RGS7: variants seen among roughly 807,000 people sequenced by gnomAD.
The protein encoded by RGS7 is regulator of G-protein signaling 7.
RGS7 carries 27 observed loss-of-function variants against 81.1 expected under a neutral mutation model. The ratio of observed to expected loss-of-function variants is 0.33; its 90% CI spans 0.25 to 0.46. The LOEUF (loss-of-function observed/expected upper bound fraction) is 0.46, where lower values mean the gene tolerates loss of function less well. Ranked by LOEUF, RGS7 falls within the 20% of genes least tolerant of loss-of-function variation. RGS7 has a pLI of 1.00. For synonymous variants in RGS7, 208 were observed against 207.7 expected, an observed-to-expected ratio of 1.00 and a Z score of -0.01; for missense variants, 396 against 607.4, an observed-to-expected ratio of 0.65 and a Z score of 3.66.
intron 2 of RGS7, among the ~76,000 whole-genome samples, chr1:241,252,025 T>C (rs1394666804): frequency 6.6e-6 from 1 of 151,620 alleles, no homozygotes; most frequent in Non-Finnish European, 1.5e-5. Context: ...AGGCCAGCTT[T>C]TGGCTTTTTC....
At chr1:241,111,261 T>A (rs568959099) in intron 2 of RGS7, among the ~76,000 whole-genome samples, 1 of 152,198 alleles carries the variant, frequency 6.6e-6, no homozygotes, top group Non-Finnish European at 1.5e-5. Context: ...TTCCTATTAT[T>A]TAATTCTTGC....
At chr1:240,887,269 C>T (rs1346189810) in intron 6 of RGS7, among the ~76,000 whole-genome samples, 37 of 115,436 alleles carry the variant, frequency 3.2e-4, no homozygotes, top group Non-Finnish European at 5.6e-4. Context: ...TGCTCTTTTG[C>T]CCAGGCCGGA....
intron 2 of RGS7, among the ~76,000 whole-genome samples, chr1:241,103,666 G>C (rs926281605): frequency 2.0e-5 from 3 of 152,058 alleles, no homozygotes; most frequent in African/African-American, 7.2e-5. Context: ...GAGCTCAGGA[G>C]TTTGAGACCA....
chr1:241,229,392 G>A (rs1010536731), intron 2 of RGS7, among the ~76,000 whole-genome samples: 2 of 152,088 alleles, frequency 1.3e-5, no homozygotes, highest in Non-Finnish European at 2.9e-5. Context: ...TGAATTCTTG[G>A]CAGCCACAAG....
chr1:241,116,441 G>A (rs1649194666), intron 2 of RGS7, among the ~76,000 whole-genome samples: 2 of 152,074 alleles, frequency 1.3e-5, no homozygotes, highest in Non-Finnish European at 1.5e-5. Context: ...GCATAAAGTG[G>A]TTGCTCTCTC....
rs185774088 is a variant in RGS7 at position 240,897,541 on chromosome 1, A to T, written c.386-27422T>A. On this transcript the variant is annotated intron_variant, in intron 6 of 18. Coordinates refer to ENST00000440928, the MANE Select transcript of RGS7 (RefSeq NM_001364886.1). ...CTTTTCTGCATCTATTGAGATAATCATGTGGTTTTTGTCTTTGTTTCTGTT... is the reference window on the plus strand; with the variant it reads ...CTTTTCTGCATCTATTGAGATAATCTTGTGGTTTTTGTCTTTGTTTCTGTT... Among the ~76,000 whole-genome samples the T allele has an allele frequency of 4.5e-3, 593 of 132,060 alleles. 2 individuals are homozygous for T. Among genetic ancestry groups the T allele is most frequent in the African/African-American group, 0.015 (570 of 38,092 alleles). The allele number at this position is 132,060 out of a possible 152,430, so 86.6% of individuals were successfully genotyped here.
chr1:241,207,101 T>G (rs1165101658), intron 2 of RGS7, among the ~76,000 whole-genome samples: 2 of 150,848 alleles, frequency 1.3e-5, no homozygotes, highest in Non-Finnish European at 1.5e-5. Context: ...CCCGAGTAGC[T>G]GGGACTACAG....
intron 3 of RGS7, among the ~76,000 whole-genome samples, chr1:241,047,005 A>G (rs1178531115): frequency 6.6e-6 from 1 of 152,070 alleles, no homozygotes. Context: ...ACAGCAGCAA[A>G]TTTTGTGAGC....
intron 2 of RGS7, among the ~76,000 whole-genome samples, chr1:241,314,386 A>G (rs2080739548): frequency 6.6e-6 from 1 of 152,268 alleles, no homozygotes. Flanking sequence ...CTGAAGGCAC[A>G]GACAATTGTG....
At chr1:241,339,836 G>A (rs1020701232) in intron 2 of RGS7, among the ~76,000 whole-genome samples, 1 of 152,126 alleles carries the variant, frequency 6.6e-6, no homozygotes, top group East Asian at 1.9e-4. Context: ...AGGAGCCTGG[G>A]AGCTATAATC....
intron 3 of RGS7, chr1:240,998,894 T>G: frequency 2.5e-6 from 1 of 399,046 alleles, no homozygotes. Context: ...TTAGTCCCCT[T>G]ATCTTTTTCC....
intron 6 of RGS7, 139 bp downstream of exon 6, chr1:240,930,578 C>A: frequency 1.2e-6 from 1 of 837,500 alleles, no homozygotes; most frequent in Non-Finnish European, 2.0e-6. Flanking sequence ...AGCCGCTTAT[C>A]AATTCAATGT....
intron 2 of RGS7, among the ~76,000 whole-genome samples, chr1:241,276,237 G>A (rs1157934123): frequency 6.6e-6 from 1 of 152,144 alleles, no homozygotes; most frequent in Admixed American, 6.5e-5. Flanking sequence ...AGAGCTCAGA[G>A]GAACCTTGGG....
At chr1:240,899,235 T>C (rs1204765177) in intron 6 of RGS7, among the ~76,000 whole-genome samples, 1 of 152,208 alleles carries the variant, frequency 6.6e-6, no homozygotes, top group Non-Finnish European at 1.5e-5. Flanking sequence ...TGACTCTTTA[T>C]CCAATTTGCC....
At chr1:241,354,127 T>C (rs1019706799) in intron 2 of RGS7, among the ~76,000 whole-genome samples, 1 of 152,150 alleles carries the variant, frequency 6.6e-6, no homozygotes, top group Non-Finnish European at 1.5e-5. Flanking sequence ...CTTCACATTG[T>C]ATACACCCAT....
intron 6 of RGS7, among the ~76,000 whole-genome samples, chr1:240,886,688 A>G (rs1667387029): frequency 6.6e-6 from 1 of 152,214 alleles, no homozygotes; most frequent in Non-Finnish European, 1.5e-5. Context: ...CGAGACTGAG[A>G]GTCCCAAACT....
intron 6 of RGS7, among the ~76,000 whole-genome samples, chr1:240,916,009 T>A (rs1171244585): frequency 1.3e-5 from 2 of 149,012 alleles, no homozygotes; most frequent in Admixed American, 6.8e-5. Flanking sequence ...CATGCTGTAA[T>A]CCCAGCACTT....
intron 18 of RGS7, among the ~76,000 whole-genome samples, chr1:240,793,611 A>ATATATATATATATATTTTTTTTTTTTTT: frequency 1.3e-5 from 1 of 78,814 alleles, no homozygotes; most frequent in African/African-American, 9.7e-5. Context: ...ATATATATAT[A>ATATATATATATATATTTTTTTTTTTTTT]TTTTTTTTTT....
chr1:241,018,623 G>A (rs954386907), intron 3 of RGS7, among the ~76,000 whole-genome samples: 2 of 152,004 alleles, frequency 1.3e-5, no homozygotes, highest in Non-Finnish European at 2.9e-5. Context: ...TATACTGGAG[G>A]CTTATTGGTG....
Sources: gnomAD v4.1 joint callset for allele counts (sites outside exome capture counted in the v4.1 genomes callset) on GRCh38, gnomAD v4.1.1 for gene constraint, MANE v1.5 for transcripts, NCBI Gene and HGNC (gene_info 2026-07-23, HGNC 2026-07-21) for gene names.